CACNA2D3: variants seen among roughly 807,000 people sequenced by gnomAD.
The protein encoded by CACNA2D3 is calcium voltage-gated channel auxiliary subunit alpha2delta 3.
A neutral mutation model predicts 160.6 loss-of-function variants in CACNA2D3; 60 were observed. That is an observed-to-expected ratio of 0.37 (90% CI 0.30 to 0.46). The LOEUF (loss-of-function observed/expected upper bound fraction) is 0.46, where lower values mean the gene tolerates loss of function less well. Ranked by LOEUF, CACNA2D3 falls within the 20% of genes least tolerant of loss-of-function variation. The probability of loss-of-function intolerance (pLI) is 1.00; values close to 1 mark genes in which losing one functional copy is unlikely to be tolerated. For missense variants in CACNA2D3, 1,205 were observed against 1,365.0 expected (o/e 0.88, Z 1.85); for synonymous variants, 558 against 492.9 (o/e 1.13, Z -1.75).
chr3:54,826,273 T>C (rs1259934083), intron 14 of CACNA2D3, among the ~76,000 whole-genome samples: 2 of 152,162 alleles, frequency 1.3e-5, no homozygotes, highest in Non-Finnish European at 1.5e-5. Context: ...GGAATGGCTC[T>C]GGATGCGCTG....
In CACNA2D3 at chr3:54,242,845, G is replaced by A. The variant is rs150677450; in HGVS notation, c.205-77597G>A. Reference sequence around the variant, plus strand: ...AAGGGGGACTACTAAGAAAACATTAGCAAGTCTTGGAACATGGTCAGTTAG... The same window carrying A: ...AAGGGGGACTACTAAGAAAACATTAACAAGTCTTGGAACATGGTCAGTTAG... On this transcript the variant is annotated intron_variant, in intron 2 of 37. Transcript: ENST00000474759. Among the ~76,000 whole-genome samples the A allele has an allele frequency of 4.7e-3, 715 of 152,342 alleles. 5 individuals carry two copies. Among genetic ancestry groups the A allele is most frequent in the African/African-American group, 0.016 (669 of 41,582 alleles).
chr3:54,184,388 T>C (rs969668170), intron 2 of CACNA2D3, among the ~76,000 whole-genome samples: 1 of 152,188 alleles, frequency 6.6e-6, no homozygotes, highest in Admixed American at 6.5e-5. Flanking sequence ...TCCCCCATCC[T>C]CCCATCACCA....
intron 2 of CACNA2D3, among the ~76,000 whole-genome samples, chr3:54,187,375 T>C (rs1314942866): frequency 6.6e-6 from 1 of 152,120 alleles, no homozygotes. Flanking sequence ...GGCTTGACAA[T>C]TGAAATAATT....
At chr3:54,221,612 A>G (rs1401812044) in intron 2 of CACNA2D3, among the ~76,000 whole-genome samples, 1 of 152,130 alleles carries the variant, frequency 6.6e-6, no homozygotes, top group Non-Finnish European at 1.5e-5. Flanking sequence ...TACTAGAGAG[A>G]TTTTTGTAAT....
At chr3:54,462,662 T>C (rs1275518680) in intron 4 of CACNA2D3, among the ~76,000 whole-genome samples, 1 of 152,224 alleles carries the variant, frequency 6.6e-6, no homozygotes, top group African/African-American at 2.4e-5. Flanking sequence ...TTTGAACCCA[T>C]GTGTGTCTCT....
intron 3 of CACNA2D3, among the ~76,000 whole-genome samples, chr3:54,326,204 C>T (rs978030589): frequency 1.3e-5 from 2 of 152,162 alleles, no homozygotes; most frequent in Non-Finnish European, 2.9e-5. Flanking sequence ...TCCTAGGAAA[C>T]GAATATCAGT....
chr3:54,565,475 A>G (rs1030716548), intron 6 of CACNA2D3, among the ~76,000 whole-genome samples: 2 of 152,112 alleles, frequency 1.3e-5, no homozygotes, highest in Non-Finnish European at 2.9e-5. Context: ...CACCAGTTCA[A>G]TTTATGTCCT....
intron 11 of CACNA2D3, among the ~76,000 whole-genome samples, chr3:54,741,683 C>T (rs1307666749): frequency 2.0e-5 from 3 of 151,828 alleles, no homozygotes; most frequent in African/African-American, 7.3e-5. Context: ...ATGTGTTGGT[C>T]TGCTTTGGAG....
chr3:54,736,170 C>T (rs1701527681), intron 11 of CACNA2D3, among the ~76,000 whole-genome samples: 4 of 144,514 alleles, frequency 2.8e-5, no homozygotes, highest in South Asian at 4.4e-4. Flanking sequence ...CACACAGACA[C>T]ACATAAATGG....
At chr3:55,027,168 T>C (rs1703580677) in intron 35 of CACNA2D3, among the ~76,000 whole-genome samples, 1 of 152,252 alleles carries the variant, frequency 6.6e-6, no homozygotes, top group Non-Finnish European at 1.5e-5. Flanking sequence ...TGTGAAGCTT[T>C]GTTATAGAAT....
At chr3:54,746,627 A>G (rs769014805) in intron 11 of CACNA2D3, among the ~76,000 whole-genome samples, 3 of 152,248 alleles carry the variant, frequency 2.0e-5, no homozygotes, top group East Asian at 1.9e-4. Context: ...TGACACTGAC[A>G]TAAATAATTC....
Position 54,461,016 on chromosome 3 carries a change from T to G in CACNA2D3, c.382-42476T>G, listed in dbSNP as rs61296674. 5.2e-3 allele frequency among the ~76,000 whole-genome samples: 787 copies of G among 152,272 alleles called. 11 individuals are homozygous for G. The highest frequency in any genetic ancestry group is 0.018 in the African/African-American group (749 of 41,528). ...GTTGAATTTTGTCAAAGGCCTTTTCTGCATCTATTGAGATAATCATGTTGT... is the reference window on the plus strand; with the variant it reads ...GTTGAATTTTGTCAAAGGCCTTTTCGGCATCTATTGAGATAATCATGTTGT... On this transcript the variant is annotated intron_variant, in intron 4 of 37. Transcript: ENST00000474759.
intron 17 of CACNA2D3, among the ~76,000 whole-genome samples, chr3:54,847,325 A>G (rs189795057): frequency 1.3e-5 from 2 of 152,362 alleles, no homozygotes; most frequent in East Asian, 3.9e-4. Flanking sequence ...AAGTTAAGAA[A>G]GTGTAGATCG....
chr3:54,266,521 A>G (rs902548555), intron 2 of CACNA2D3, among the ~76,000 whole-genome samples: 1 of 152,132 alleles, frequency 6.6e-6, no homozygotes, highest in Non-Finnish European at 1.5e-5. Context: ...CTCTTGTTGC[A>G]TGGGTATCTT....
intron 13 of CACNA2D3, among the ~76,000 whole-genome samples, chr3:54,793,051 G>A (rs1168172267): frequency 6.6e-6 from 1 of 152,166 alleles, no homozygotes; most frequent in Admixed American, 6.5e-5. Context: ...TTTTGTTTAT[G>A]TCCAGTGATG....
intron 2 of CACNA2D3, among the ~76,000 whole-genome samples, chr3:54,298,648 C>T (rs1389979212): frequency 6.6e-6 from 1 of 152,002 alleles, no homozygotes; most frequent in Admixed American, 6.6e-5. Flanking sequence ...AAAAGTACAA[C>T]AATTAGCCAG....
chr3:54,668,044 G>A (rs188456903), intron 11 of CACNA2D3, among the ~76,000 whole-genome samples: 179 of 152,044 alleles, frequency 1.2e-3, no homozygotes, highest in Non-Finnish European at 2.2e-3. Context: ...TTCTTATTCC[G>A]AAATTCAGAA....
intron 27 of CACNA2D3, among the ~76,000 whole-genome samples, chr3:54,921,181 TAGCTCTTCACCTCTGTCTTGGG>T (rs59751005): frequency 0.6 from 91,140 of 151,898 alleles, 27,612 homozygotes; most frequent in East Asian, 0.76. Flanking sequence ...TGATCACTAG[TAGCTCTTCACCTCTGTCTTGGG>T]AGAAACTAGA....
chr3:54,250,270 T>A (rs11715179), intron 2 of CACNA2D3, among the ~76,000 whole-genome samples: 60,947 of 151,858 alleles, frequency 0.4, 12,315 homozygotes, highest in Middle Eastern at 0.41. Context: ...TACCGGACAG[T>A]TGATGAGAGA....
Sources: allele counts gnomAD v4.1 joint callset (sites outside exome capture counted in the v4.1 genomes callset), GRCh38; gene constraint gnomAD v4.1.1; transcripts MANE v1.5; gene names NCBI Gene and HGNC (gene_info 2026-07-23, HGNC 2026-07-21).